Variants in IGSF21 observed in about 807,000 individuals in gnomAD.
IGSF21 encodes the protein immunoglobin superfamily member 21.
In IGSF21, 28 loss-of-function variants were observed where a neutral mutation model predicts 46.8. The observed-to-expected ratio is 0.60, with a 90% CI of 0.44 to 0.82. IGSF21 has a LOEUF of 0.82. Ranked by LOEUF, IGSF21 falls within the 40% of genes least tolerant of loss-of-function variation. The probability of loss-of-function intolerance (pLI) is 0.00; values close to 1 mark genes in which losing one functional copy is unlikely to be tolerated. For synonymous variants in IGSF21, 284 were observed against 273.6 expected, an observed-to-expected ratio of 1.04 and a Z score of -0.38; for missense variants, 624 against 665.5, an observed-to-expected ratio of 0.94 and a Z score of 0.69.
At chr1:18,168,223 G>A (rs17488056) in intron 1 of IGSF21, among the ~76,000 whole-genome samples, 31,479 of 152,024 alleles carry the variant, frequency 0.21, 4,062 homozygotes, top group Non-Finnish European at 0.3. Flanking sequence ...GCATCTGGCC[G>A]TTAACTTATA....
intron 1 of IGSF21, among the ~76,000 whole-genome samples, chr1:18,147,006 G>T (rs552504106): frequency 1.3e-5 from 2 of 152,266 alleles, no homozygotes; most frequent in East Asian, 3.9e-4. Context: ...GTCCAGGAAC[G>T]AGTTCTGGAG....
intron 1 of IGSF21, among the ~76,000 whole-genome samples, chr1:18,147,842 C>T (rs1433269400): frequency 6.6e-6 from 1 of 152,138 alleles, no homozygotes; most frequent in Non-Finnish European, 1.5e-5. Context: ...TTAATTGTAG[C>T]TCCCATAATT....
In IGSF21 at chr1:18,135,007, C is replaced by G. The variant is rs529934574; in HGVS notation, c.70+26809C>G. On this transcript the variant is annotated intron_variant, in intron 1 of 9. Transcript: ENST00000251296. ...GCTTTGAGCTTCCACGCACATCAGC[C>G]CACGCCATCCTCCTGTCAGCTTAGT... Among the ~76,000 whole-genome samples the G allele has an allele frequency of 2.0e-5, 3 of 152,344 alleles. No homozygotes were observed. In the South Asian group the frequency reaches 6.2e-4, roughly 32 times the overall value.
rs576828058 is a variant in IGSF21, at chr1:18,372,716, GGATGGATGAGTGTTTA to G, written c.1016-3584_1016-3569del. ...TGTTTAGATGGGTGGATGGAGGGATGGATGGATGAGTGTTTAGATGGATGAATGGATGGATGGATGA... is the reference window on the plus strand; with the variant it reads ...TGTTTAGATGGGTGGATGGAGGGATGGATGGATGAATGGATGGATGGATGA... On this transcript the variant is annotated intron_variant, in intron 6 of 9. Coordinates refer to ENST00000251296, the MANE Select transcript of IGSF21 (RefSeq NM_032880.5). Among the ~76,000 whole-genome samples the G allele has an allele frequency of 7.2e-5, 11 of 151,772 alleles. No individual in the cohort carries two copies. The East Asian group carries it at 2.1e-3, about 30-fold the overall frequency.
At chr1:18,151,270 A>G (rs1450283449) in intron 1 of IGSF21, among the ~76,000 whole-genome samples, 6 of 152,194 alleles carry the variant, frequency 3.9e-5, no homozygotes, top group Non-Finnish European at 7.3e-5. Context: ...CAGCACAGTA[A>G]AAGTGTATTT....
At chr1:18,207,062 C>T (rs1049728468) in intron 1 of IGSF21, among the ~76,000 whole-genome samples, 3 of 152,170 alleles carry the variant, frequency 2.0e-5, no homozygotes, top group Non-Finnish European at 4.4e-5. Context: ...GAATCCACTT[C>T]CAAACCCATT....
At chr1:18,262,161 G>A (rs1002478213) in intron 2 of IGSF21, among the ~76,000 whole-genome samples, 1 of 152,188 alleles carries the variant, frequency 6.6e-6, no homozygotes, top group Admixed American at 6.5e-5. Flanking sequence ...ACTTTGAATA[G>A]CAGTGTAGAC....
chr1:18,324,742 C>G (rs1478465518), intron 3 of IGSF21, among the ~76,000 whole-genome samples: 2 of 152,128 alleles, frequency 1.3e-5, no homozygotes, highest in East Asian at 1.9e-4. Flanking sequence ...TGCTTTTCTG[C>G]TTGGTGCTGT....
chr1:18,148,498 T>G (rs1256628801), intron 1 of IGSF21, among the ~76,000 whole-genome samples: 1 of 152,174 alleles, frequency 6.6e-6, no homozygotes, highest in African/African-American at 2.4e-5. Context: ...AGAAGCTAAG[T>G]CACTTGCCCA....
chr1:18,366,792 C>A (rs1320025369), intron 6 of IGSF21, among the ~76,000 whole-genome samples: 1 of 152,130 alleles, frequency 6.6e-6, no homozygotes, highest in Non-Finnish European at 1.5e-5. Flanking sequence ...ATGATCTGCA[C>A]CTCTCCCCAC....
At chr1:18,125,651 T>G (rs2086268449) in intron 1 of IGSF21, among the ~76,000 whole-genome samples, 1 of 152,244 alleles carries the variant, frequency 6.6e-6, no homozygotes, top group Admixed American at 6.5e-5. Flanking sequence ...TTCCAGATAG[T>G]GTGCTGGGCA....
At chr1:18,302,494 GACTTTCA>G (rs1353800422) in intron 3 of IGSF21, among the ~76,000 whole-genome samples, 2 of 152,158 alleles carry the variant, frequency 1.3e-5, no homozygotes, top group Non-Finnish European at 1.5e-5. Flanking sequence ...CTTGTTCCTT[GACTTTCA>G]GTCTTTGATT....
chr1:18,344,442 A>G (rs1240126277), intron 4 of IGSF21, among the ~76,000 whole-genome samples: 1 of 152,128 alleles, frequency 6.6e-6, no homozygotes, highest in African/African-American at 2.4e-5. Flanking sequence ...TGAGCTAAGG[A>G]GATCTGAGGG....
chr1:18,365,558 C>T lies in IGSF21; in HGVS notation c.876C>T (p.Thr292=), dbSNP rs1299621550. Residue 292 remains threonine (T), a synonymous_variant, in exon 6 of 10, where the codon ACC becomes ACT. Transcript: ENST00000251296. This position sits in a 1 kb window ranked among gnomAD's most constrained non-coding sequence, Gnocchi z 4.8. ...CCTACTTCCTGCGCCACAGCCGCAC[C>T]CCGAGCAGTGACGGCACTGTGGAAG... is the stretch of plus-strand genomic sequence containing the variant. ...EPTYFLRHSR[T]PSSDGTVEVR... The T allele has an allele frequency of 3.1e-6, 5 of 1,614,040 alleles. No individual in the cohort carries two copies. The highest frequency in any genetic ancestry group is 3.4e-6 in the Non-Finnish European group (4 of 1,180,050).
chr1:18,336,814 A>C (rs1029514722), intron 4 of IGSF21, among the ~76,000 whole-genome samples: 9 of 152,228 alleles, frequency 5.9e-5, no homozygotes, highest in African/African-American at 2.2e-4. Context: ...AAAGAGGTTT[A>C]ATGGAATCAC....
In IGSF21 at chr1:18,354,709, T is replaced by C. The variant is rs544584442; in HGVS notation, c.425-7406T>C. The stretch of plus-strand genomic sequence containing the variant: ...GAGTGTGCTAAGCACCTTCGTAGAG[T>C]GGTACCCAATGAGCTGGAGAGATTT... On this transcript the variant is annotated intron_variant, in intron 4 of 9. Coordinates refer to ENST00000251296, the MANE Select transcript of IGSF21 (RefSeq NM_032880.5). 2.7e-5 allele frequency among the ~76,000 whole-genome samples: 4 copies of C among 150,398 alleles called. No homozygotes were observed. The East Asian group carries it at 7.9e-4, about 30-fold the overall frequency.
Position 18,337,560 on chromosome 1 carries a change from C to G in IGSF21, c.424+2550C>G, listed in dbSNP as rs947397341. Among the ~76,000 whole-genome samples the G allele has an allele frequency of 2.0e-5, 3 of 152,132 alleles. No individual in the cohort carries two copies. Among genetic ancestry groups the G allele is most frequent in the African/African-American group, 7.2e-5 (3 of 41,424 alleles). ...TGCACTAGTCTGAGGAATGACTGCT[C>G]TGGGAACACAGCTTCACGCACCGTG... is the stretch of plus-strand genomic sequence containing the variant. On this transcript the variant is annotated intron_variant, in intron 4 of 9. Coordinates refer to ENST00000251296, the MANE Select transcript of IGSF21 (RefSeq NM_032880.5). The surrounding 1 kb of genome is among the most constrained non-coding windows in gnomAD (Gnocchi z 5.7).
chr1:18,255,775 A>G lies in IGSF21; in HGVS notation c.183+27765A>G, dbSNP rs557735399. Among the ~76,000 whole-genome samples, 23 of 151,920 alleles carry G rather than the reference A, an allele frequency of 1.5e-4. No homozygotes were observed. In the South Asian group the frequency reaches 4.8e-3, roughly 32 times the overall value. ...ATTCCACTTCCTAAATCTCTCTTCA[A>G]TGTGCCTGCTCCTCCCCTCCCTCCT... On this transcript the variant is annotated intron_variant, in intron 2 of 9. Coordinates refer to ENST00000251296, the MANE Select transcript of IGSF21 (RefSeq NM_032880.5).
chr1:18,244,067 CA>C (rs2084759820), intron 2 of IGSF21, among the ~76,000 whole-genome samples: 1 of 152,226 alleles, frequency 6.6e-6, no homozygotes, highest in Non-Finnish European at 1.5e-5. Flanking sequence ...CTGTTAAGAG[CA>C]ACCCTTGTTC....
Sources: allele counts gnomAD v4.1 joint callset (sites outside exome capture counted in the v4.1 genomes callset), GRCh38; gene constraint gnomAD v4.1.1; non-coding constraint Gnocchi (gnomAD v3.1); transcripts MANE v1.5; gene names NCBI Gene and HGNC (gene_info 2026-07-23, HGNC 2026-07-21).